Variants in CDK14 observed in about 807,000 individuals in gnomAD.
The protein encoded by CDK14 is cyclin dependent kinase 14, also known as cyclin-dependent kinase 14.
Under a neutral mutation model 60.7 loss-of-function variants are expected in CDK14, and 34 were observed. That is an observed-to-expected ratio of 0.56 (90% confidence interval 0.43 to 0.75). The LOEUF (loss-of-function observed/expected upper bound fraction) is 0.75, where lower values mean the gene tolerates loss of function less well. Among genes scored for constraint, CDK14 ranks in the 30% least tolerant of loss-of-function variants. The probability of loss-of-function intolerance (pLI) is 0.00; values close to 1 mark genes in which losing one functional copy is unlikely to be tolerated. For synonymous variants in CDK14, 197 were observed against 203.7 expected, an observed-to-expected ratio of 0.97 and a Z score of 0.28; for missense variants, 482 against 564.1, an observed-to-expected ratio of 0.85 and a Z score of 1.47.
At chr7:90,633,380 A>C (rs1163660618) in intron 2 of CDK14, among the ~76,000 whole-genome samples, 1 of 152,230 alleles carries the variant, frequency 6.6e-6, no homozygotes, top group Non-Finnish European at 1.5e-5. Flanking sequence ...TATGTACCTC[A>C]TGGTAAAATT....
chr7:91,200,565 C>T (rs893335752), intron 14 of CDK14, among the ~76,000 whole-genome samples: 8 of 152,156 alleles, frequency 5.3e-5, no homozygotes, highest in Admixed American at 1.3e-4. Flanking sequence ...ACTTTGTTCT[C>T]GACAAAATCA....
At chr7:90,883,768 G>A (rs532397369) in intron 6 of CDK14, among the ~76,000 whole-genome samples, 139 of 152,326 alleles carry the variant, frequency 9.1e-4, no homozygotes, top group Non-Finnish European at 1.6e-3. Context: ...TCCCTGGGAT[G>A]CAAGGCTGGC....
intron 10 of CDK14, among the ~76,000 whole-genome samples, chr7:91,007,818 C>G (rs1562865901): frequency 6.6e-6 from 1 of 151,760 alleles, no homozygotes; most frequent in Non-Finnish European, 1.5e-5. Context: ...CTGACAAGTA[C>G]TTTATTTTTA....
chr7:91,113,655 G>A (rs533814717), intron 13 of CDK14, among the ~76,000 whole-genome samples: 1 of 151,950 alleles, frequency 6.6e-6, no homozygotes, highest in Non-Finnish European at 1.5e-5. Context: ...TTAATCCTTG[G>A]TATACATCAC....
chr7:90,758,942 G>C (rs1804198688), intron 4 of CDK14, among the ~76,000 whole-genome samples: 1 of 151,812 alleles, frequency 6.6e-6, no homozygotes, highest in African/African-American at 2.4e-5. Flanking sequence ...TACAATCCCA[G>C]CTACTCGGAA....
At chr7:91,065,973 A>C (rs955874319) in intron 11 of CDK14, among the ~76,000 whole-genome samples, 1 of 152,190 alleles carries the variant, frequency 6.6e-6, no homozygotes, top group Non-Finnish European at 1.5e-5. Flanking sequence ...TTTTGCCTTC[A>C]TGGAAGCAAC....
At chr7:90,851,185 A>G (rs1481354631) in intron 5 of CDK14, among the ~76,000 whole-genome samples, 1 of 152,130 alleles carries the variant, frequency 6.6e-6, no homozygotes, top group Non-Finnish European at 1.5e-5. Flanking sequence ...TTTATATTTT[A>G]TTGTCCTCAA....
Position 90,977,325 on chromosome 7 carries a change from C to T in CDK14, c.948-6823C>T, listed in dbSNP as rs371289128. On this transcript the variant is annotated intron_variant, in intron 9 of 14. Transcript: ENST00000380050. ...CAGGGAAGAAGCCTTTATTTGGGTG[C>T]TGCAGCTGAAGAGACAAGAGAAAAG... Among the ~76,000 whole-genome samples, 220 of 152,170 alleles carry T rather than the reference C, an allele frequency of 1.4e-3. 9 individuals are homozygous for T. In the South Asian group the frequency reaches 0.045, roughly 31 times the overall value.
At chr7:90,869,639 G>C (rs1381455849) in intron 6 of CDK14, among the ~76,000 whole-genome samples, 3 of 152,214 alleles carry the variant, frequency 2.0e-5, no homozygotes, top group African/African-American at 7.2e-5. Flanking sequence ...AGACCAGTCA[G>C]GAGGCTATTG....
intron 2 of CDK14, among the ~76,000 whole-genome samples, chr7:90,623,197 A>G (rs1186474276): frequency 6.6e-6 from 1 of 152,078 alleles, no homozygotes; most frequent in Non-Finnish European, 1.5e-5. Flanking sequence ...CCAGACATAT[A>G]CGTAGGTCTA....
In CDK14 at chr7:90,742,371, A is replaced by T. The variant is rs1293808348; in HGVS notation, c.370-5310A>T. On this transcript the variant is annotated intron_variant, in intron 3 of 14. Transcript: ENST00000380050. Reference sequence around the variant, plus strand: ...TGAATATTTTGGTATAAAGCTGTTCATAGTGTTCCAGGTTAATTAATGAAA... The same window carrying T: ...TGAATATTTTGGTATAAAGCTGTTCTTAGTGTTCCAGGTTAATTAATGAAA... 5.3e-5 allele frequency among the ~76,000 whole-genome samples: 8 copies of T among 152,156 alleles called. No homozygotes were observed. The East Asian group carries it at 1.3e-3, about 26-fold the overall frequency.
At chr7:90,827,840 T>C (rs1180608510) in intron 5 of CDK14, among the ~76,000 whole-genome samples, 4 of 152,208 alleles carry the variant, frequency 2.6e-5, no homozygotes, top group Admixed American at 6.5e-5. Flanking sequence ...CAACCAGAAC[T>C]TCTCCATGTG....
intron 2 of CDK14, among the ~76,000 whole-genome samples, chr7:90,651,748 T>G (rs1055901089): frequency 1.3e-5 from 2 of 152,100 alleles, no homozygotes; most frequent in Non-Finnish European, 2.9e-5. Context: ...TAGTGATTTT[T>G]TTTTTCATTT....
chr7:90,688,198 C>T (rs1460914057), intron 2 of CDK14, among the ~76,000 whole-genome samples: 1 of 152,166 alleles, frequency 6.6e-6, no homozygotes, highest in East Asian at 1.9e-4. Context: ...CCTGTTCCTA[C>T]ATCTAATAAA....
chr7:90,840,617 CT>C (rs1790256851), intron 5 of CDK14, among the ~76,000 whole-genome samples: 1 of 152,178 alleles, frequency 6.6e-6, no homozygotes, highest in Admixed American at 6.5e-5. Flanking sequence ...ATAAGGGAAG[CT>C]TGTGGCCTCA....
chr7:91,159,014 T>A (rs1801081369), intron 14 of CDK14, among the ~76,000 whole-genome samples: 1 of 152,244 alleles, frequency 6.6e-6, no homozygotes, highest in African/African-American at 2.4e-5. Flanking sequence ...AAATGTCTAT[T>A]TCAATGTTGT....
At chr7:91,185,512 C>A (rs558747737) in intron 14 of CDK14, among the ~76,000 whole-genome samples, 1 of 152,064 alleles carries the variant, frequency 6.6e-6, no homozygotes, top group South Asian at 2.1e-4. Context: ...AGTACATATT[C>A]CTATAATGAT....
At chr7:90,723,237 C>T (rs1169923223) in intron 2 of CDK14, among the ~76,000 whole-genome samples, 3 of 152,100 alleles carry the variant, frequency 2.0e-5, no homozygotes, top group Non-Finnish European at 4.4e-5. Context: ...GTATTAATTG[C>T]TTCATAACAA....
At chr7:91,156,196 T>C (rs908072217) in intron 14 of CDK14, among the ~76,000 whole-genome samples, 1 of 152,200 alleles carries the variant, frequency 6.6e-6, no homozygotes. Flanking sequence ...AAGTACAATT[T>C]GTTGTTTGTT....
Sources: allele counts gnomAD v4.1 joint callset (sites outside exome capture counted in the v4.1 genomes callset), GRCh38; gene constraint gnomAD v4.1.1; transcripts MANE v1.5; gene names NCBI Gene and HGNC (gene_info 2026-07-23, HGNC 2026-07-21).